NFATC2: variants seen among roughly 807,000 people sequenced by gnomAD.
NFATC2 encodes the protein nuclear factor of activated T cells 2, also known as nuclear factor of activated T-cells, cytoplasmic 2.
In NFATC2, 22 loss-of-function variants were observed where a neutral mutation model predicts 87.3. That is an observed-to-expected ratio of 0.25 (90% CI 0.18 to 0.36). The LOEUF (loss-of-function observed/expected upper bound fraction) is 0.36. NFATC2 is among the 10% of genes least tolerant of loss of function. The pLI, the probability that NFATC2 is intolerant of heterozygous loss-of-function variation, is 1.00. For synonymous variants in NFATC2, 565 were observed against 542.2 expected, an observed-to-expected ratio of 1.04 and a Z score of -0.58; for missense variants, 1,149 against 1,259.1, an observed-to-expected ratio of 0.91 and a Z score of 1.32.
chr20:51,395,090 T>A (rs1335957672), intron 10 of NFATC2, among the ~76,000 whole-genome samples: 1 of 152,246 alleles, frequency 6.6e-6, no homozygotes, highest in Non-Finnish European at 1.5e-5. Context: ...GATCTGTTAC[T>A]TGTTTGGAGT....
chr20:51,481,323 G>C (rs571769955), intron 3 of NFATC2, among the ~76,000 whole-genome samples: 1 of 151,610 alleles, frequency 6.6e-6, no homozygotes, highest in Non-Finnish European at 1.5e-5. Flanking sequence ...GGGAGACCTC[G>C]GTCAGGAGGC....
Position 51,393,445 on chromosome 20 carries a change from T to G in NFATC2, c.*45-1994A>C, listed in dbSNP as rs980129227. 1.9e-4 allele frequency among the ~76,000 whole-genome samples: 16 copies of G among 82,418 alleles called. No individual in the cohort carries two copies. In the African/African-American group the frequency reaches 2.0e-3, roughly 10 times the overall value. 54.1% of individuals were successfully genotyped at this position (82,418 alleles called of 152,430 possible). Reference sequence around the variant, plus strand: ...ATATGTATTAGAAATACATACATTATGTATAACTTAACTTTTCCAACATGT... The same window carrying G: ...ATATGTATTAGAAATACATACATTAGGTATAACTTAACTTTTCCAACATGT... On this transcript the variant is annotated intron_variant, in intron 10 of 10. Coordinates refer to ENST00000371564, the MANE Select transcript of NFATC2 (RefSeq NM_012340.5).
intron 3 of NFATC2, among the ~76,000 whole-genome samples, chr20:51,489,053 G>T (rs987989855): frequency 4.6e-5 from 7 of 152,206 alleles, no homozygotes; most frequent in East Asian, 1.9e-4. Context: ...AGCCAGACAG[G>T]GTGGCGGGCG....
chr20:51,474,438 G>A (rs917269004), intron 4 of NFATC2, among the ~76,000 whole-genome samples: 3 of 152,172 alleles, frequency 2.0e-5, no homozygotes, highest in Admixed American at 2.0e-4. Context: ...ATTGATTGTG[G>A]ACTATTCAAT....
intron 1 of NFATC2, among the ~76,000 whole-genome samples, chr20:51,557,442 G>A (rs6063671): frequency 6.6e-6 from 1 of 152,072 alleles, no homozygotes; most frequent in Admixed American, 6.5e-5. Flanking sequence ...CCTTGGCATG[G>A]TGCCTGACAC....
intron 1 of NFATC2, among the ~76,000 whole-genome samples, chr20:51,558,462 T>C (rs1015738823): frequency 2.6e-5 from 4 of 151,780 alleles, no homozygotes; most frequent in African/African-American, 9.7e-5. Flanking sequence ...ATTTAGTAAT[T>C]GGATTTAGGC....
intron 6 of NFATC2, among the ~76,000 whole-genome samples, chr20:51,454,194 A>G (rs1009909729): frequency 1.3e-5 from 2 of 152,202 alleles, no homozygotes; most frequent in Non-Finnish European, 2.9e-5. Context: ...ATCCAGGGCC[A>G]GAGTATGCAT....
chr20:51,389,703 T>C lies in NFATC2; in HGVS notation c.*1793A>G, dbSNP rs1986119274. 6.6e-6 allele frequency: 1 copy of C among 152,068 alleles called. No individual in the cohort carries two copies. Among genetic ancestry groups the C allele is most frequent in the Non-Finnish European group, 1.5e-5 (1 of 68,002 alleles). 9.4% of individuals were successfully genotyped at this position (152,068 alleles called of 1,614,324 possible). Reference sequence around the variant, plus strand: ...TTGCATACAAGTGCACAGGCCCGAATCTGAGCATTTTGCCTTCTATCTGGA... The same window carrying C: ...TTGCATACAAGTGCACAGGCCCGAACCTGAGCATTTTGCCTTCTATCTGGA... On this transcript the variant is annotated 3_prime_UTR_variant, in exon 11 of 11. Transcript: ENST00000371564.
chr20:51,493,588 C>G (rs1175612071), intron 3 of NFATC2, among the ~76,000 whole-genome samples: 2 of 152,166 alleles, frequency 1.3e-5, no homozygotes, highest in Non-Finnish European at 2.9e-5. Flanking sequence ...TCACCGGGGC[C>G]CTGGATTCAG....
chr20:51,496,122 G>A (rs925356958), intron 3 of NFATC2, among the ~76,000 whole-genome samples: 11 of 152,104 alleles, frequency 7.2e-5, no homozygotes, highest in Admixed American at 7.2e-4. Flanking sequence ...TGGGCCTAGT[G>A]GTGCTGAGAC....
intron 1 of NFATC2, among the ~76,000 whole-genome samples, chr20:51,557,220 G>A (rs1402341382): frequency 6.6e-6 from 1 of 152,184 alleles, no homozygotes; most frequent in Non-Finnish European, 1.5e-5. Flanking sequence ...GATAATATCT[G>A]TAAAGTGGCT....
At position 51,542,675 on chromosome 20, in the gene NFATC2, G is replaced by A. The variant is rs1421779711; in HGVS notation, c.-176C>T. On this transcript the variant is annotated 5_prime_UTR_variant, in exon 1 of 11. Coordinates refer to ENST00000371564, the MANE Select transcript of NFATC2 (RefSeq NM_012340.5). ...GGCGCAGCGGGTCCTGGACGCGCCCGGGGAAGCTGAGCGGCGGCGGCGACG... is the reference window on the plus strand; with the variant it reads ...GGCGCAGCGGGTCCTGGACGCGCCCAGGGAAGCTGAGCGGCGGCGGCGACG... The A allele has an allele frequency of 2.6e-6, 3 of 1,147,348 alleles. No individual in the cohort carries two copies. The highest frequency in any genetic ancestry group is 4.2e-5 in the East Asian group (1 of 23,612). 71.1% of individuals were successfully genotyped at this position (1,147,348 alleles called of 1,614,324 possible).
At chr20:51,473,830 C>T in intron 5 of NFATC2, 150 bp downstream of exon 5, 2 of 724,408 alleles carry the variant, frequency 2.8e-6, no homozygotes, top group South Asian at 4.0e-5. Flanking sequence ...TCTCTGTCCC[C>T]TCTGGTCATC....
intron 1 of NFATC2, among the ~76,000 whole-genome samples, chr20:51,535,833 T>A (rs2076711422): frequency 6.6e-6 from 1 of 152,194 alleles, no homozygotes; most frequent in East Asian, 1.9e-4. Flanking sequence ...ATCCTGAGCT[T>A]TGCTGGCCAC....
rs201747193 is a variant in NFATC2 at position 51,493,375 on chromosome 20, GC to G, written c.1333-17716del. On this transcript the variant is annotated intron_variant, in intron 3 of 10. Coordinates refer to ENST00000371564, the MANE Select transcript of NFATC2 (RefSeq NM_012340.5). ...GTAATTCTTGTCGTTTTCTCATGGG[GC>G]TGTTATGGGCATAGAATGGGGATTG... Among the ~76,000 whole-genome samples, 1,280 of 152,290 alleles carry G rather than the reference GC, an allele frequency of 8.4e-3. 18 individuals carry two copies. Among genetic ancestry groups the G allele is most frequent in the African/African-American group, 0.029 (1,221 of 41,546 alleles).
In NFATC2 at chr20:51,432,850, G is replaced by T; in HGVS notation, c.2033-94C>A. The T allele has an allele frequency of 8.7e-7, 1 of 1,151,126 alleles. No individual in the cohort carries two copies. The highest frequency in any genetic ancestry group is 1.2e-6 in the Non-Finnish European group (1 of 853,676). The allele number at this position is 1,151,126 out of a possible 1,614,324, so 71.3% of individuals were successfully genotyped here. On this transcript the variant is annotated intron_variant, in intron 8 of 10. Coordinates refer to ENST00000371564, the MANE Select transcript of NFATC2 (RefSeq NM_012340.5). The surrounding 1 kb of genome is among the most constrained non-coding windows in gnomAD (Gnocchi z 4.6). ...GGATGGTGCTTGAGAACATGGCCTT[G>T]GGAGTCCATACGGGTGGGACAAACA...
chr20:51,499,240 G>T (rs1186490973), intron 3 of NFATC2, among the ~76,000 whole-genome samples: 1 of 152,150 alleles, frequency 6.6e-6, no homozygotes, highest in Admixed American at 6.5e-5. Context: ...GCAAGTGGAG[G>T]CAGGGAAACC....
At chr20:51,431,560 C>T (rs1359166916) in intron 9 of NFATC2, among the ~76,000 whole-genome samples, 1 of 152,216 alleles carries the variant, frequency 6.6e-6, no homozygotes, top group Non-Finnish European at 1.5e-5. Context: ...TGCCCGCAGC[C>T]TGCCTGCAAG....
chr20:51,436,581 T>G (rs958695471), intron 6 of NFATC2, among the ~76,000 whole-genome samples: 1 of 151,804 alleles, frequency 6.6e-6, no homozygotes. Flanking sequence ...CAGGTGTGGT[T>G]GCAGGTGCCT....
Sources: gnomAD v4.1 joint callset for allele counts (sites outside exome capture counted in the v4.1 genomes callset) on GRCh38, gnomAD v4.1.1 for gene constraint, Gnocchi (gnomAD v3.1) non-coding constraint, MANE v1.5 for transcripts, NCBI Gene and HGNC (gene_info 2026-07-23, HGNC 2026-07-21) for gene names.